CCDC186: variants seen among roughly 807,000 people sequenced by gnomAD.
CCDC186 encodes coiled-coil domain-containing protein 186.
Under a neutral mutation model 113.7 loss-of-function variants are expected in CCDC186, and 49 were observed. The observed-to-expected ratio is 0.43, with a 90% CI of 0.34 to 0.55. The LOEUF (loss-of-function observed/expected upper bound fraction) is 0.55. Among genes scored for constraint, CCDC186 ranks in the 20% least tolerant of loss-of-function variants. The pLI, the probability that CCDC186 is intolerant of heterozygous loss-of-function variation, is 0.02. For missense variants in CCDC186, 890 were observed against 1,011.1 expected, an observed-to-expected ratio of 0.88 and a Z score of 1.62; for synonymous variants, 355 against 345.8, an observed-to-expected ratio of 1.03 and a Z score of -0.30.
intron 13 of CCDC186, among the ~76,000 whole-genome samples, chr10:114,128,189 A>G (rs1237160819): frequency 6.6e-6 from 1 of 152,052 alleles, no homozygotes; most frequent in Admixed American, 6.6e-5. Context: ...TGTTATCCTC[A>G]TTTAAATGAA....
rs1159978966 is a variant in CCDC186 at position 114,122,093 on chromosome 10, T to G, written c.*3050A>C. ...TCCCAAAGTGCTGGGATTACAGGGGTGAGCCACCACACCCGGCCCCAGCTA... is the reference window on the plus strand; with the variant it reads ...TCCCAAAGTGCTGGGATTACAGGGGGGAGCCACCACACCCGGCCCCAGCTA... On this transcript the variant is annotated 3_prime_UTR_variant, in exon 16 of 16. Coordinates refer to ENST00000369287, the MANE Select transcript of CCDC186 (RefSeq NM_018017.4). 6.6e-6 allele frequency: 1 copy of G among 152,250 alleles called. No individual in the cohort carries two copies. Among genetic ancestry groups the G allele is most frequent in the East Asian group, 1.9e-4 (1 of 5,198 alleles). The allele number at this position is 152,250 out of a possible 1,614,324, so 9.4% of individuals were successfully genotyped here. A position where few individuals can be genotyped will look rare whatever the true frequency, so the allele number is the denominator to read the frequency against.
chr10:114,155,417 G>A (rs942187652), intron 3 of CCDC186, among the ~76,000 whole-genome samples: 1 of 152,212 alleles, frequency 6.6e-6, no homozygotes, highest in Non-Finnish European at 1.5e-5. Context: ...GCTCACGCCT[G>A]TAATCCCAGC....
chr10:114,158,216 T>A (rs1364285334), intron 2 of CCDC186, among the ~76,000 whole-genome samples: 2 of 152,248 alleles, frequency 1.3e-5, no homozygotes, highest in Non-Finnish European at 2.9e-5. Context: ...TTGAAAAGTC[T>A]TGCTTCAGAT....
rs1242672926 is a variant in CCDC186 at position 114,123,542 on chromosome 10, C to T, written c.*1601G>A. Reference sequence around the variant, plus strand: ...ATCCATCATCCCAAAACTTAATTCCCTTAATGGGAGAAAAAGGGATGCAAA... The same window carrying T: ...ATCCATCATCCCAAAACTTAATTCCTTTAATGGGAGAAAAAGGGATGCAAA... On this transcript the variant is annotated 3_prime_UTR_variant, in exon 16 of 16. Coordinates refer to ENST00000369287, the MANE Select transcript of CCDC186 (RefSeq NM_018017.4). 7 of 152,126 alleles carry T rather than the reference C, an allele frequency of 4.6e-5. No individual in the cohort carries two copies. The highest frequency in any genetic ancestry group is 8.8e-5 in the Non-Finnish European group (6 of 68,018). 9.4% of individuals were successfully genotyped at this position (152,126 alleles called of 1,614,324 possible).
At chr10:114,169,974 T>A (rs979667326) in intron 1 of CCDC186, among the ~76,000 whole-genome samples, 1 of 152,168 alleles carries the variant, frequency 6.6e-6, no homozygotes, top group Non-Finnish European at 1.5e-5. Flanking sequence ...CATAGGTCAC[T>A]GCAGCTTCAA....
intron 10 of CCDC186, 125 bp from the exon 11 acceptor site, chr10:114,132,309 A>G: frequency 2.9e-6 from 2 of 689,666 alleles, no homozygotes; most frequent in Non-Finnish European, 4.4e-6. Context: ...CCAAATATTT[A>G]TAAATGCCTA....
intron 9 of CCDC186, 49 bp downstream of exon 9, chr10:114,135,842 T>G (rs754833362): frequency 7.2e-7 from 1 of 1,385,932 alleles, no homozygotes; most frequent in Non-Finnish European, 1.0e-6. Flanking sequence ...GAATTCAAAA[T>G]TTAAGATATT....
intron 2 of CCDC186, chr10:114,162,415 G>T (rs543217804): frequency 2.1e-5 from 7 of 333,336 alleles, no homozygotes; most frequent in Non-Finnish European, 3.2e-5. Flanking sequence ...TTTCTAGCAC[G>T]TTAATACATT....
At chr10:114,168,583 A>T (rs550540446) in intron 1 of CCDC186, among the ~76,000 whole-genome samples, 8 of 152,254 alleles carry the variant, frequency 5.3e-5, no homozygotes, top group African/African-American at 1.9e-4. Flanking sequence ...AACTGGCTCG[A>T]CTGGTCTTGT....
chr10:114,144,455 A>G lies in CCDC186; in HGVS notation c.1221+42T>C, dbSNP rs558537167. On this transcript the variant is annotated intron_variant, in intron 6 of 15. Transcript: ENST00000369287. ...AACAAAAACAAAAACAAAAACAAAAAAACTCATTCTAATCATTATTCCATT... is the reference window on the plus strand; with the variant it reads ...AACAAAAACAAAAACAAAAACAAAAGAACTCATTCTAATCATTATTCCATT... 1.5e-4 allele frequency: 231 copies of G among 1,562,152 alleles called. 5 individuals are homozygous for G. In the South Asian group the frequency reaches 2.6e-3, roughly 18 times the overall value.
chr10:114,131,835 G>A lies in CCDC186; in HGVS notation c.1911+94C>T, dbSNP rs981172297. ...TGTCAGAAAGTCAGTGTCCAGGAAA[G>A]AACTTAATTCAACTACTATTACTTT... On this transcript the variant is annotated intron_variant, in intron 11 of 15. Transcript: ENST00000369287. 3.6e-6 allele frequency: 4 copies of A among 1,120,208 alleles called. No individual in the cohort carries two copies. In the African/African-American group the frequency reaches 6.4e-5, roughly 18 times the overall value. The allele number at this position is 1,120,208 out of a possible 1,614,324, so 69.4% of individuals were successfully genotyped here.
In CCDC186 at chr10:114,138,242, A is replaced by AAAAACAAAACAAAAC. The variant is rs550818343; in HGVS notation, c.1222-967_1222-953dup. Among the ~76,000 whole-genome samples, 4 of 144,338 alleles carry AAAAACAAAACAAAAC rather than the reference A, an allele frequency of 2.8e-5. No individual in the cohort carries two copies. In the East Asian group the frequency reaches 6.0e-4, roughly 22 times the overall value. 94.7% of individuals were successfully genotyped at this position (144,338 alleles called of 152,430 possible). A position where few individuals can be genotyped will look rare whatever the true frequency, so the allele number is the denominator to read the frequency against. Reference sequence around the variant, plus strand: ...GAAACAGAGTGAGACTTTGTCACAAAAAAACAAAACAAAACAAAACAAAAC... The same window carrying AAAAACAAAACAAAAC: ...GAAACAGAGTGAGACTTTGTCACAAAAAAACAAAACAAAACAAAACAAAACAAAACAAAACAAAAC... On this transcript the variant is annotated intron_variant, in intron 6 of 15. Coordinates refer to ENST00000369287, the MANE Select transcript of CCDC186 (RefSeq NM_018017.4).
chr10:114,158,813 C>A (rs11591786), intron 2 of CCDC186, among the ~76,000 whole-genome samples: 12,198 of 152,292 alleles, frequency 0.08, 574 homozygotes, highest in Middle Eastern at 0.14. Flanking sequence ...TCCAGGTATA[C>A]TTCCAAAGCC....
chr10:114,133,110 A>T (rs1355447732), intron 10 of CCDC186, among the ~76,000 whole-genome samples: 1 of 152,226 alleles, frequency 6.6e-6, no homozygotes, highest in Admixed American at 6.5e-5. Context: ...TGTGGAAAAC[A>T]GATTAGAGAG....
At chr10:114,138,628 G>A (rs2031359896) in intron 6 of CCDC186, among the ~76,000 whole-genome samples, 1 of 152,022 alleles carries the variant, frequency 6.6e-6, no homozygotes, top group Non-Finnish European at 1.5e-5. Flanking sequence ...AAAGTTTTCA[G>A]GGGCTACCCG....
chr10:114,144,959 T>A (rs1298709618), intron 5 of CCDC186, among the ~76,000 whole-genome samples: 1 of 151,910 alleles, frequency 6.6e-6, no homozygotes, highest in Non-Finnish European at 1.5e-5. Flanking sequence ...ATTCCTGAAC[T>A]AAAAGCTAAT....
chr10:114,140,891 T>C (rs1208923427), intron 6 of CCDC186, among the ~76,000 whole-genome samples: 7 of 151,202 alleles, frequency 4.6e-5, no homozygotes, highest in African/African-American at 1.2e-4. Flanking sequence ...ATTTATGTCA[T>C]TTCTGAATCT....
chr10:114,128,862 A>G (rs2030996181), intron 13 of CCDC186, among the ~76,000 whole-genome samples: 1 of 152,262 alleles, frequency 6.6e-6, no homozygotes, highest in African/African-American at 2.4e-5. Flanking sequence ...CTGATACACA[A>G]TGATGACATC....
chr10:114,156,661 A>T (rs1022755878), intron 3 of CCDC186, among the ~76,000 whole-genome samples: 1 of 152,234 alleles, frequency 6.6e-6, no homozygotes, highest in African/African-American at 2.4e-5. Context: ...CAGGAGGCAA[A>T]GATTGCAGTG....
Sources: allele counts gnomAD v4.1 joint callset (sites outside exome capture counted in the v4.1 genomes callset), GRCh38; gene constraint gnomAD v4.1.1; transcripts MANE v1.5; gene names NCBI Gene and HGNC (gene_info 2026-07-23, HGNC 2026-07-21).